IPO7: variants seen among roughly 807,000 people sequenced by gnomAD.
IPO7 encodes importin 7.
Under a neutral mutation model 136.4 loss-of-function variants are expected in IPO7, and 13 were observed. The observed-to-expected ratio is 0.10, with a 90% CI of 0.06 to 0.15. IPO7 has a LOEUF of 0.15. Ranked by LOEUF, IPO7 falls within the 10% of genes least tolerant of loss-of-function variation. The probability of loss-of-function intolerance (pLI) is 1.00; values close to 1 mark genes in which losing one functional copy is unlikely to be tolerated. For synonymous variants in IPO7, 403 were observed against 404.4 expected (o/e 1.00, Z 0.04); for missense variants, 857 against 1,240.6 (o/e 0.69, Z 4.65).
At chr11:9,427,159 T>G (rs1855222510) in intron 12 of IPO7, among the ~76,000 whole-genome samples, 2 of 151,894 alleles carry the variant, frequency 1.3e-5, no homozygotes, top group African/African-American at 4.8e-5. Flanking sequence ...CCTTGCCCAT[T>G]TTTAATTGGG....
chr11:9,427,793 A>C (rs946316431), intron 12 of IPO7, among the ~76,000 whole-genome samples: 1 of 152,204 alleles, frequency 6.6e-6, no homozygotes, highest in Non-Finnish European at 1.5e-5. Context: ...ACTATCAACT[A>C]ATCCATGGAC....
Position 9,442,164 on chromosome 11 carries a change from G to A in IPO7, c.2986G>A (p.Ala996Thr). 1.9e-6 allele frequency: 3 copies of A among 1,599,624 alleles called. No homozygotes were observed. Among genetic ancestry groups the A allele is most frequent in the Non-Finnish European group, 2.6e-6 (3 of 1,167,038 alleles). ...ACAAAGAAAACAGTTACAGGACATA[G>A]CAACTCTGGCTGATCAAAGAAGAGC... is the stretch of plus-strand genomic sequence containing the variant. ...EEQRKQLQDI[A>T]TLADQRRAAH... is the part of the protein sequence containing the mutation. The change falls in exon 24 of 25, where the codon GCA (alanine) becomes ACA (threonine). Residue 996 changes from alanine to threonine, a missense_variant. Ala to Thr is a moderately conservative substitution (Grantham distance 58). Coordinates refer to ENST00000379719, the MANE Select transcript of IPO7 (RefSeq NM_006391.3).
chr11:9,426,908 C>T (rs1000193804), intron 12 of IPO7, among the ~76,000 whole-genome samples: 13 of 103,728 alleles, frequency 1.3e-4, no homozygotes, highest in Middle Eastern at 4.9e-3. Flanking sequence ...TCCGCCTCCC[C>T]GCCCCCCCGC....
chr11:9,420,791 GT>G, intron 8 of IPO7, 93 bp downstream of exon 8: 2 of 840,950 alleles, frequency 2.4e-6, no homozygotes, highest in Non-Finnish European at 3.9e-6. Flanking sequence ...CATCTAAAGA[GT>G]GCCTGTTTGG....
intron 1 of IPO7, among the ~76,000 whole-genome samples, chr11:9,387,367 G>A (rs1387059957): frequency 6.6e-6 from 1 of 152,082 alleles, no homozygotes; most frequent in Non-Finnish European, 1.5e-5. Context: ...TAACTCCTTG[G>A]AACTCCTTTC....
chr11:9,389,421 A>G (rs1854597663), intron 1 of IPO7, among the ~76,000 whole-genome samples: 1 of 152,198 alleles, frequency 6.6e-6, no homozygotes, highest in Non-Finnish European at 1.5e-5. Context: ...AGTCTGGTTC[A>G]TGTAACAGCA....
intron 4 of IPO7, among the ~76,000 whole-genome samples, chr11:9,411,231 C>T (rs773974318): frequency 3.3e-5 from 5 of 152,154 alleles, no homozygotes; most frequent in Non-Finnish European, 7.3e-5. Flanking sequence ...GCTGCTACAT[C>T]ATTGGAATTC....
chr11:9,394,032 G>A (rs1469775376), intron 1 of IPO7, among the ~76,000 whole-genome samples: 7 of 151,836 alleles, frequency 4.6e-5, no homozygotes, highest in African/African-American at 7.3e-5. Flanking sequence ...ACAAGCGTGC[G>A]CCACCACGCC....
At chr11:9,429,219 G>C in intron 14 of IPO7, 23 bp downstream of exon 14, 1 of 1,603,370 alleles carries the variant, frequency 6.2e-7, no homozygotes, top group East Asian at 2.2e-5. Flanking sequence ...TGTATGTCAA[G>C]AAAAGTGAAT....
At chr11:9,411,435 A>G (rs1435840948) in intron 4 of IPO7, among the ~76,000 whole-genome samples, 3 of 152,190 alleles carry the variant, frequency 2.0e-5, no homozygotes, top group Non-Finnish European at 1.5e-5. Context: ...GTGTCACACC[A>G]TATGGAGTGG....
chr11:9,420,474 G>A lies in IPO7; in HGVS notation c.790G>A (p.Ala264Thr). The A allele has an allele frequency of 6.2e-7, 1 of 1,612,000 alleles. No homozygotes were observed. The highest frequency in any genetic ancestry group is 8.5e-7 in the Non-Finnish European group (1 of 1,178,968). The change falls in exon 7 of 25, where the codon GCC becomes ACC. Residue 264 changes from alanine to threonine, a missense_variant. Ala to Thr is a moderately conservative substitution (Grantham distance 58, BLOSUM62 0). This residue lies in a region of IPO7 where 287 missense variants were observed against 307.5 expected (regional missense o/e 0.93). Transcript: ENST00000379719. ...ELPWWKCKKWALHILARLFER... is the reference protein window; with the variant it reads ...ELPWWKCKKWTLHILARLFER... ...ACCATGGTGGAAATGCAAGAAGTGG[G>A]CCTTACATATTTTAGCAAGACTTTT...
At chr11:9,419,545 T>TAAAAAAAAAAAA (rs1178586532) in intron 6 of IPO7, among the ~76,000 whole-genome samples, 1 of 91,738 alleles carries the variant, frequency 1.1e-5, no homozygotes, top group South Asian at 3.4e-4. Flanking sequence ...AGACTCTGTC[T>TAAAAAAAAAAAA]AAAAAAAAAA....
At chr11:9,428,861 A>G (rs1364431108) in intron 13 of IPO7, 170 bp from the exon 14 acceptor site, 1 of 795,422 alleles carries the variant, frequency 1.3e-6, no homozygotes, top group Admixed American at 1.7e-5. Context: ...CACAAACATC[A>G]TGCGGCCAAA....
At chr11:9,436,842 T>TTTTATATATA (rs1334062867) in intron 20 of IPO7, among the ~76,000 whole-genome samples, 1 of 24,458 alleles carries the variant, frequency 4.1e-5, no homozygotes, top group Non-Finnish European at 6.8e-5. Flanking sequence ...CCGCCTGATT[T>TTTTATATATA]TATATATATA....
intron 1 of IPO7, among the ~76,000 whole-genome samples, chr11:9,390,251 G>C (rs146558526): frequency 6.6e-6 from 1 of 151,554 alleles, no homozygotes; most frequent in South Asian, 2.1e-4. Context: ...ATGAAAAAGT[G>C]ATCTTGCTTT....
Position 9,422,707 on chromosome 11 carries a change from G to A in IPO7, c.907-299G>A, listed in dbSNP as rs533568803. 3.9e-5 allele frequency among the ~76,000 whole-genome samples: 6 copies of A among 152,238 alleles called. No individual in the cohort carries two copies. In the South Asian group the frequency reaches 1.2e-3, roughly 32 times the overall value. ...TTACACCTGTAATCCCAGCACTTTG[G>A]GAGGCTGAGATGGGAGAATCGCTTG... On this transcript the variant is annotated intron_variant, in intron 8 of 24. Coordinates refer to ENST00000379719, the MANE Select transcript of IPO7 (RefSeq NM_006391.3).
At position 9,427,101 on chromosome 11, in the gene IPO7, C is replaced by T. The variant is rs999841932; in HGVS notation, c.1336-1439C>T. ...CTGGCTTCAGGTGATCCGCCTGCCT[C>T]AGCCTCCCAAAGTGCCAGGATTACA... is the stretch of plus-strand genomic sequence containing the variant. On this transcript the variant is annotated intron_variant, in intron 12 of 24. Coordinates refer to ENST00000379719, the MANE Select transcript of IPO7 (RefSeq NM_006391.3). Among the ~76,000 whole-genome samples, 9 of 152,170 alleles carry T rather than the reference C, an allele frequency of 5.9e-5. No homozygotes were observed. The South Asian group carries it at 1.7e-3, about 28-fold the overall frequency.
chr11:9,389,328 C>T lies in IPO7; in HGVS notation c.84+4481C>T, dbSNP rs139916181. Among the ~76,000 whole-genome samples the T allele has an allele frequency of 2.1e-4, 32 of 152,272 alleles. No individual in the cohort carries two copies. In the East Asian group the frequency reaches 4.0e-3, roughly 19 times the overall value. On this transcript the variant is annotated intron_variant, in intron 1 of 24. Transcript: ENST00000379719. ...CCTCCCAAAGTGCTGAGATTACAGG[C>T]ATGAGCCACCACACCAGCCGGTGTT...
At chr11:9,407,674 C>T (rs148363084) in intron 2 of IPO7, among the ~76,000 whole-genome samples, 33 of 152,230 alleles carry the variant, frequency 2.2e-4, no homozygotes, top group African/African-American at 7.5e-4. Context: ...CTATTTCTGT[C>T]GGTTATCCTT....
Sources: gnomAD v4.1 joint callset for allele counts (sites outside exome capture counted in the v4.1 genomes callset) on GRCh38, gnomAD v4.1.1 for gene constraint, gnomAD v4.1.1 regional missense constraint, MANE v1.5 for transcripts, NCBI Gene and HGNC (gene_info 2026-07-23, HGNC 2026-07-21) for gene names.